The following ARHGEF7 variants were observed in gnomAD, a reference collection of about 807,000 sequenced individuals.
The protein encoded by ARHGEF7 is PAK-interacting exchange factor beta.
In ARHGEF7, 33 loss-of-function variants were observed where a neutral mutation model predicts 109.8. The ratio of observed to expected loss-of-function variants is 0.30; its 90% confidence interval spans 0.23 to 0.40. The LOEUF is 0.40. ARHGEF7 is among the 10% of genes least tolerant of loss of function. The pLI, the probability that ARHGEF7 is intolerant of heterozygous loss-of-function variation, is 1.00. For synonymous variants in ARHGEF7, 458 were observed against 424.6 expected (o/e 1.08, Z -0.97); for missense variants, 938 against 1,098.5 (o/e 0.85, Z 2.07).
At chr13:111,284,068 TTGAGA>T (rs890943928) in intron 16 of ARHGEF7, among the ~76,000 whole-genome samples, 7 of 152,138 alleles carry the variant, frequency 4.6e-5, no homozygotes, top group African/African-American at 1.7e-4. Flanking sequence ...AAGCTGATAA[TTGAGA>T]TGAGAGTTGT....
rs58254403 is a variant in ARHGEF7, at chr13:111,268,208, C to G, written c.1073+538C>G. Among the ~76,000 whole-genome samples, 493 of 152,246 alleles carry G rather than the reference C, an allele frequency of 3.2e-3. 16 individuals are homozygous for G. In the East Asian group the frequency reaches 0.08, roughly 25 times the overall value. On this transcript the variant is annotated intron_variant, in intron 9 of 21. Transcript: ENST00000646102. ...CGAATTGGAGGAAGATGTTTCTCAG[C>G]TGTTTCAGTTACTGAGGAGGATCTC...
chr13:111,155,448 G>T (rs879502831), intron 2 of ARHGEF7, among the ~76,000 whole-genome samples: 52 of 152,174 alleles, frequency 3.4e-4, no homozygotes, highest in Non-Finnish European at 7.1e-4. Flanking sequence ...TTTCATGTTG[G>T]CAAGGAAATT....
chr13:111,200,277 G>A (rs181890363), intron 2 of ARHGEF7, among the ~76,000 whole-genome samples: 1 of 152,280 alleles, frequency 6.6e-6, no homozygotes, highest in East Asian at 1.9e-4. Context: ...GGAACCAAGT[G>A]TGGGAGATGC....
At chr13:111,196,461 C>T (rs778246125) in intron 2 of ARHGEF7, among the ~76,000 whole-genome samples, 21 of 152,168 alleles carry the variant, frequency 1.4e-4, no homozygotes, top group Non-Finnish European at 2.4e-4. Flanking sequence ...CAAGTGAGAT[C>T]GAAGGTTTGC....
intron 6 of ARHGEF7, among the ~76,000 whole-genome samples, chr13:111,236,735 G>A (rs185563180): frequency 6.6e-6 from 1 of 152,310 alleles, no homozygotes; most frequent in African/African-American, 2.4e-5. Context: ...GGGAGGCCTA[G>A]TAGGGAGGAT....
At chr13:111,274,119 A>G (rs1942355908) in intron 10 of ARHGEF7, among the ~76,000 whole-genome samples, 167 bp downstream of exon 10, 1 of 152,238 alleles carries the variant, frequency 6.6e-6, no homozygotes. Flanking sequence ...TTCCAGCTCT[A>G]TTAGAAAACA....
intron 19 of ARHGEF7, among the ~76,000 whole-genome samples, chr13:111,298,100 G>A (rs143828758): frequency 6.6e-6 from 1 of 152,246 alleles, no homozygotes; most frequent in Non-Finnish European, 1.5e-5. Flanking sequence ...AATGTGCGAT[G>A]TTATCAGTGG....
intron 8 of ARHGEF7, among the ~76,000 whole-genome samples, chr13:111,263,103 T>C (rs1382740030): frequency 6.6e-6 from 1 of 152,254 alleles, no homozygotes; most frequent in Non-Finnish European, 1.5e-5. Flanking sequence ...TGAGTCTGGC[T>C]GGTTGTCGTG....
chr13:111,273,772 C>G lies in ARHGEF7; in HGVS notation c.1074-42C>G. ...AGATGAGAGAGCCACCATTGTCTCT[C>G]ATTGCTAACCACGAGTGTCTCTCTT... is the stretch of plus-strand genomic sequence containing the variant. On this transcript the variant is annotated intron_variant, in intron 9 of 21. Transcript: ENST00000646102. This position sits in a 1 kb window ranked among gnomAD's most constrained non-coding sequence, Gnocchi z 4.5. 2 of 1,609,822 alleles carry G rather than the reference C, an allele frequency of 1.2e-6. No individual in the cohort carries two copies. The highest frequency in any genetic ancestry group is 1.7e-6 in the Non-Finnish European group (2 of 1,176,430).
At chr13:111,130,713 C>T (rs139250002) in intron 1 of ARHGEF7, among the ~76,000 whole-genome samples, 330 of 152,346 alleles carry the variant, frequency 2.2e-3, no homozygotes, top group Admixed American at 5.8e-3. Context: ...GAGCTATGTG[C>T]GCTGAAGGCA....
chr13:111,118,324 A>C (rs2066942877), intron 1 of ARHGEF7, among the ~76,000 whole-genome samples: 1 of 152,252 alleles, frequency 6.6e-6, no homozygotes, highest in Non-Finnish European at 1.5e-5. Flanking sequence ...CATTTAAAGG[A>C]AACTTTCCAC....
In ARHGEF7 at chr13:111,130,009, T is replaced by C. The variant is rs553738502; in HGVS notation, c.165+14318T>C. 7.2e-5 allele frequency among the ~76,000 whole-genome samples: 11 copies of C among 152,300 alleles called. No homozygotes were observed. In the South Asian group the frequency reaches 1.2e-3, roughly 17 times the overall value. Reference sequence around the variant, plus strand: ...ACAGTTGGTGAATAGATAAACAGATTGTGGTATATTCCTGTAATGGAACAC... The same window carrying C: ...ACAGTTGGTGAATAGATAAACAGATCGTGGTATATTCCTGTAATGGAACAC... On this transcript the variant is annotated intron_variant, in intron 1 of 21. Coordinates refer to ENST00000646102, the MANE Select transcript of ARHGEF7 (RefSeq NM_001354046.2).
rs957318800 is a variant in ARHGEF7, at chr13:111,145,838, G to C, written c.166-8067G>C. Among the ~76,000 whole-genome samples, 4 of 152,362 alleles carry C rather than the reference G, an allele frequency of 2.6e-5. No homozygotes were observed. The highest frequency in any genetic ancestry group is 3.4e-3 in the Middle Eastern group (1 of 294). ...TAGTTTTGGACCTGACATTTCAGCT[G>C]TCTGAGTCCCTGTTTTCTCATCTGT... On this transcript the variant is annotated intron_variant, in intron 1 of 21. Transcript: ENST00000646102. This position sits in a 1 kb window ranked among gnomAD's most constrained non-coding sequence, Gnocchi z 4.3.
intron 1 of ARHGEF7, among the ~76,000 whole-genome samples, chr13:111,147,865 T>C (rs1052395118): frequency 6.6e-6 from 1 of 151,708 alleles, no homozygotes; most frequent in South Asian, 2.1e-4. Context: ...ACCCGGCTAA[T>C]TTTTTGTATT....
intron 4 of ARHGEF7, among the ~76,000 whole-genome samples, chr13:111,211,836 C>G (rs1333527553): frequency 6.6e-6 from 1 of 152,190 alleles, no homozygotes; most frequent in Admixed American, 6.5e-5. Flanking sequence ...TCACTCTCTC[C>G]TTTTGTGTGC....
intron 1 of ARHGEF7, among the ~76,000 whole-genome samples, chr13:111,141,491 C>T (rs770264658): frequency 3.3e-5 from 5 of 152,154 alleles, no homozygotes; most frequent in Non-Finnish European, 7.3e-5. Context: ...GTGCCCCCTT[C>T]AGGAACCTCT....
At chr13:111,172,991 A>G (rs1485810451) in intron 2 of ARHGEF7, among the ~76,000 whole-genome samples, 6 of 152,136 alleles carry the variant, frequency 3.9e-5, no homozygotes, top group African/African-American at 1.4e-4. Context: ...GGGATGCTCA[A>G]CCTGTGTATA....
intron 2 of ARHGEF7, among the ~76,000 whole-genome samples, chr13:111,190,795 A>G (rs1478131791): frequency 6.6e-6 from 1 of 152,206 alleles, no homozygotes; most frequent in East Asian, 1.9e-4. Flanking sequence ...TCGATGTTCC[A>G]CATAAGAAGA....
At position 111,277,692 on chromosome 13, in the gene ARHGEF7, T is replaced by G; in HGVS notation, c.1506+19T>G. On this transcript the variant is annotated intron_variant, in intron 13 of 21. Transcript: ENST00000646102. The stretch of plus-strand genomic sequence containing the variant: ...CTATCAGGTAAAACACAATTTAAAT[T>G]TATATTTTATTGTGGATCTGAGGAT... 6.7e-7 allele frequency: 1 copy of G among 1,489,236 alleles called. No individual in the cohort carries two copies. The highest frequency in any genetic ancestry group is 9.3e-7 in the Non-Finnish European group (1 of 1,073,418). The allele number at this position is 1,489,236 out of a possible 1,614,324, so 92.3% of individuals were successfully genotyped here.
Sources: gnomAD v4.1 joint callset for allele counts (sites outside exome capture counted in the v4.1 genomes callset) on GRCh38, gnomAD v4.1.1 for gene constraint, Gnocchi (gnomAD v3.1) non-coding constraint, MANE v1.5 for transcripts, NCBI Gene and HGNC (gene_info 2026-07-23, HGNC 2026-07-21) for gene names.